The following VAT1L variants were observed in gnomAD, a reference collection of about 807,000 sequenced individuals.
VAT1L encodes putative NADPH-dependent quinone oxidoreductase VAT1L.
A neutral mutation model predicts 44.1 loss-of-function variants in VAT1L; 34 were observed. The ratio of observed to expected loss-of-function variants is 0.77; its 90% CI spans 0.59 to 1.03. VAT1L has a LOEUF of 1.03. VAT1L is among the 50% of genes least tolerant of loss of function. The probability of loss-of-function intolerance (pLI) is 0.00; values close to 1 mark genes in which losing one functional copy is unlikely to be tolerated. For synonymous variants in VAT1L, 253 were observed against 202.2 expected (o/e 1.25, Z -2.13); for missense variants, 615 against 538.8 (o/e 1.14, Z -1.40).
chr16:77,890,032 T>C (rs1417317126), intron 7 of VAT1L, among the ~76,000 whole-genome samples: 2 of 152,006 alleles, frequency 1.3e-5, no homozygotes, highest in African/African-American at 4.8e-5. Flanking sequence ...GGTTGTAGTG[T>C]GCCAAGATTG....
rs575556876 is a variant in VAT1L, at chr16:77,788,564, A to T, written c.-119A>T. The T allele has an allele frequency of 2.8e-5, 33 of 1,185,074 alleles. No individual in the cohort carries two copies. Among genetic ancestry groups the T allele is most frequent in the African/African-American group, 2.7e-4 (17 of 63,902 alleles). The allele number at this position is 1,185,074 out of a possible 1,614,324, so 73.4% of individuals were successfully genotyped here. A position where few individuals can be genotyped will look rare whatever the true frequency, so the allele number is the denominator to read the frequency against. ...GGCGGCGCTCGCAGAGGCTGCAGCC[A>T]TTGCACAGCCGAGCATCCCACATTC... On this transcript the variant is annotated 5_prime_UTR_variant, in exon 1 of 9. Coordinates refer to ENST00000302536, the MANE Select transcript of VAT1L (RefSeq NM_020927.3).
intron 1 of VAT1L, among the ~76,000 whole-genome samples, chr16:77,793,923 T>C (rs1336447014): frequency 6.6e-6 from 1 of 152,228 alleles, no homozygotes; most frequent in Non-Finnish European, 1.5e-5. Context: ...TGCAATACAC[T>C]CTTTGTTTCA....
chr16:77,827,816 T>C (rs1267463533), intron 3 of VAT1L, among the ~76,000 whole-genome samples: 6 of 152,176 alleles, frequency 3.9e-5, no homozygotes, highest in African/African-American at 1.2e-4. Flanking sequence ...TATGGTGAAA[T>C]GCAATAAACA....
chr16:77,925,531 C>G (rs567245955), intron 7 of VAT1L, among the ~76,000 whole-genome samples: 19 of 152,288 alleles, frequency 1.2e-4, no homozygotes, highest in African/African-American at 3.9e-4. Context: ...TGCCCAGAGT[C>G]AATATAAGAA....
rs146127954 is a variant in VAT1L at position 77,909,448 on chromosome 16, C to T, written c.1077+24646C>T. Among the ~76,000 whole-genome samples the T allele has an allele frequency of 1.1e-3, 171 of 151,978 alleles. 2 individuals are homozygous for T. In the East Asian group the frequency reaches 0.029, roughly 26 times the overall value. On this transcript the variant is annotated intron_variant, in intron 7 of 8. Coordinates refer to ENST00000302536, the MANE Select transcript of VAT1L (RefSeq NM_020927.3). Reference sequence around the variant, plus strand: ...GGTCAGGAGTTCGAGACCAGCCTGGCCAACATGGTGAAACCCTGTCTCTAC... The same window carrying T: ...GGTCAGGAGTTCGAGACCAGCCTGGTCAACATGGTGAAACCCTGTCTCTAC...
At chr16:77,840,014 A>C (rs1567483968) in intron 3 of VAT1L, among the ~76,000 whole-genome samples, 1 of 102,754 alleles carries the variant, frequency 9.7e-6, no homozygotes, top group Admixed American at 8.5e-5. Context: ...GATCTTAATC[A>C]AGCTGCTTCA....
At chr16:77,842,784 C>G (rs1200169186) in intron 3 of VAT1L, among the ~76,000 whole-genome samples, 2 of 152,204 alleles carry the variant, frequency 1.3e-5, no homozygotes, top group Non-Finnish European at 2.9e-5. Context: ...GATGGATAAA[C>G]TGATGGATGA....
intron 3 of VAT1L, among the ~76,000 whole-genome samples, chr16:77,849,057 G>A (rs1219221747): frequency 2.0e-5 from 3 of 152,132 alleles, no homozygotes; most frequent in Non-Finnish European, 4.4e-5. Context: ...GCGGACTAGG[G>A]GAGGGATAGC....
At chr16:77,803,654 C>T (rs1468044243) in intron 1 of VAT1L, among the ~76,000 whole-genome samples, 1 of 152,024 alleles carries the variant, frequency 6.6e-6, no homozygotes. Flanking sequence ...TTCCTGACCT[C>T]GTGATCCGCC....
intron 7 of VAT1L, among the ~76,000 whole-genome samples, chr16:77,959,115 C>G (rs1202790637): frequency 6.6e-6 from 1 of 152,164 alleles, no homozygotes; most frequent in Non-Finnish European, 1.5e-5. Flanking sequence ...ATTTTGCACG[C>G]CAGTCACCTC....
intron 7 of VAT1L, among the ~76,000 whole-genome samples, chr16:77,965,165 A>G (rs619805): frequency 0.25 from 38,513 of 151,972 alleles, 5,040 homozygotes; most frequent in Middle Eastern, 0.29. Context: ...ACAGAGAGAG[A>G]ACATCTGTTT....
intron 4 of VAT1L, among the ~76,000 whole-genome samples, chr16:77,864,383 A>G (rs935016626): frequency 6.6e-6 from 1 of 152,222 alleles, no homozygotes; most frequent in East Asian, 1.9e-4. Context: ...ACTTGAGCCC[A>G]GGAGTTTGAG....
chr16:77,902,326 T>G (rs1341081303), intron 7 of VAT1L, among the ~76,000 whole-genome samples: 1 of 152,230 alleles, frequency 6.6e-6, no homozygotes, highest in Non-Finnish European at 1.5e-5. Flanking sequence ...CAATGGGGTT[T>G]TTTATATAAT....
chr16:77,941,629 AGGCT>A (rs1490922726), intron 7 of VAT1L, among the ~76,000 whole-genome samples: 1 of 152,100 alleles, frequency 6.6e-6, no homozygotes, highest in Non-Finnish European at 1.5e-5. Flanking sequence ...CTTGTCACCC[AGGCT>A]GGAGTGCAAT....
intron 7 of VAT1L, 49 bp from the exon 8 acceptor site, chr16:77,971,801 G>A (rs200199662): frequency 3.2e-6 from 5 of 1,577,356 alleles, no homozygotes; most frequent in African/African-American, 2.7e-5. Flanking sequence ...TTTTTAACTG[G>A]GGAACATCTC....
At chr16:77,888,065 C>T (rs1051575401) in intron 7 of VAT1L, among the ~76,000 whole-genome samples, 2 of 152,146 alleles carry the variant, frequency 1.3e-5, no homozygotes, top group South Asian at 2.1e-4. Context: ...TTGAACACTC[C>T]TTTTCCCAAT....
At chr16:77,924,823 T>C (rs2017648887) in intron 7 of VAT1L, among the ~76,000 whole-genome samples, 1 of 152,102 alleles carries the variant, frequency 6.6e-6, no homozygotes, top group South Asian at 2.1e-4. Flanking sequence ...TCCCCCTCTG[T>C]CTAGCAGGGT....
chr16:77,920,940 TGTGTGTGTA>T, intron 7 of VAT1L, among the ~76,000 whole-genome samples: 1 of 151,842 alleles, frequency 6.6e-6, no homozygotes, highest in Non-Finnish European at 1.5e-5. Context: ...TGTGTGTGTG[TGTGTGTGTA>T]GTGTGTATGT....
At chr16:77,901,405 C>A (rs2017381948) in intron 7 of VAT1L, among the ~76,000 whole-genome samples, 2 of 152,058 alleles carry the variant, frequency 1.3e-5, no homozygotes, top group South Asian at 4.1e-4. Flanking sequence ...ACCTTGTGAT[C>A]CGCCCGCCTC....
Sources: allele counts gnomAD v4.1 joint callset (sites outside exome capture counted in the v4.1 genomes callset), GRCh38; gene constraint gnomAD v4.1.1; transcripts MANE v1.5; gene names NCBI Gene and HGNC (gene_info 2026-07-23, HGNC 2026-07-21).